Variants in DLG2 observed in about 807,000 individuals in gnomAD.
The protein encoded by DLG2 is discs large MAGUK scaffold protein 2.
DLG2 carries 45 observed loss-of-function variants against 132.5 expected under a neutral mutation model. The observed-to-expected ratio is 0.34, with a 90% CI of 0.27 to 0.44. The LOEUF (loss-of-function observed/expected upper bound fraction) is 0.44. Among genes scored for constraint, DLG2 ranks in the 20% least tolerant of loss-of-function variants. The probability of loss-of-function intolerance (pLI) is 1.00; values close to 1 mark genes in which losing one functional copy is unlikely to be tolerated. For missense variants in DLG2, 1,045 were observed against 1,196.9 expected, an observed-to-expected ratio of 0.87 and a Z score of 1.87; for synonymous variants, 424 against 419.6, an observed-to-expected ratio of 1.01 and a Z score of -0.13.
At chr11:84,485,259 T>C (rs1345936011) in intron 7 of DLG2, among the ~76,000 whole-genome samples, 1 of 152,200 alleles carries the variant, frequency 6.6e-6, no homozygotes, top group African/African-American at 2.4e-5. Flanking sequence ...TTTGAATATA[T>C]AATATTTCTA....
chr11:83,906,232 G>GTCTCTCTCTCTCTCTCTCTC lies in DLG2; in HGVS notation c.1496+24076_1496+24095dup, dbSNP rs144862801. 9.6e-4 allele frequency among the ~76,000 whole-genome samples: 69 copies of GTCTCTCTCTCTCTCTCTCTC among 71,674 alleles called. 3 individuals carry two copies. The highest frequency in any genetic ancestry group is 2.8e-3 in the South Asian group (4 of 1,416). The allele number at this position is 71,674 out of a possible 152,430, so 47.0% of individuals were successfully genotyped here. On this transcript the variant is annotated intron_variant, in intron 15 of 27. Coordinates refer to ENST00000376104, the MANE Select transcript of DLG2 (RefSeq NM_001142699.3). ...TAACTGGAAGATTGCTATAGTAGAT[G>GTCTCTCTCTCTCTCTCTCTC]TCTCTCTCTCTCTCTCTCTCTCTCT...
intron 8 of DLG2, among the ~76,000 whole-genome samples, chr11:84,181,758 C>T (rs34386657): frequency 0.031 from 4,765 of 152,056 alleles, 117 homozygotes; most frequent in Non-Finnish European, 0.05. Flanking sequence ...CAGATATCAA[C>T]GCAAGATAAA....
chr11:84,951,262 T>C (rs577748157), intron 6 of DLG2, among the ~76,000 whole-genome samples: 1 of 152,302 alleles, frequency 6.6e-6, no homozygotes, highest in African/African-American at 2.4e-5. Context: ...TTTACAAGCA[T>C]CCTATATGGC....
intron 10 of DLG2, among the ~76,000 whole-genome samples, chr11:84,075,383 T>G (rs1317533527): frequency 6.6e-6 from 1 of 152,176 alleles, no homozygotes; most frequent in Non-Finnish European, 1.5e-5. Context: ...TTATCATTAA[T>G]GCCTAGGACA....
At position 83,779,795 on chromosome 11, in the gene DLG2, A is replaced by C. The variant is rs146409803; in HGVS notation, c.1825+6895T>G. 4.1e-4 allele frequency among the ~76,000 whole-genome samples: 63 copies of C among 152,324 alleles called. 1 individual carries two copies. The highest frequency in any genetic ancestry group is 1.5e-3 in the African/African-American group (62 of 41,588). ...AGTGATTCTAGTTAAACTACACAGA[A>C]TCTATCAAGTTAACTAGGTCGTGCA... is the stretch of plus-strand genomic sequence containing the variant. On this transcript the variant is annotated intron_variant, in intron 18 of 27. Transcript: ENST00000376104.
At chr11:85,165,265 T>C (rs1004732522) in intron 4 of DLG2, among the ~76,000 whole-genome samples, 27 of 152,166 alleles carry the variant, frequency 1.8e-4, no homozygotes, top group African/African-American at 6.0e-4. Context: ...GTGAAATAGC[T>C]TGACTTCTAA....
intron 3 of DLG2, among the ~76,000 whole-genome samples, chr11:85,343,499 A>C (rs2082633161): frequency 6.6e-6 from 1 of 152,172 alleles, no homozygotes; most frequent in Admixed American, 6.5e-5. Context: ...TTTTTTAATT[A>C]AATAAAATAT....
At chr11:83,872,454 G>C (rs2063657606) in intron 16 of DLG2, among the ~76,000 whole-genome samples, 1 of 152,072 alleles carries the variant, frequency 6.6e-6, no homozygotes, top group Admixed American at 6.6e-5. Context: ...TAGATATAAG[G>C]CAAATTGCTT....
chr11:83,989,834 AT>A (rs2093603861), intron 11 of DLG2, among the ~76,000 whole-genome samples: 1 of 152,206 alleles, frequency 6.6e-6, no homozygotes, highest in Non-Finnish European at 1.5e-5. Flanking sequence ...TTGGATGAAG[AT>A]TTGTGTAAGG....
intron 7 of DLG2, among the ~76,000 whole-genome samples, chr11:84,401,708 T>G (rs911921046): frequency 6.6e-6 from 1 of 152,296 alleles, no homozygotes; most frequent in South Asian, 2.1e-4. Flanking sequence ...ACAGATACAC[T>G]TTTGAAGAGA....
chr11:84,606,272 A>G (rs1471785689), intron 6 of DLG2, among the ~76,000 whole-genome samples: 1 of 152,152 alleles, frequency 6.6e-6, no homozygotes, highest in Non-Finnish European at 1.5e-5. Flanking sequence ...GGAAGTGGAT[A>G]AACCGCAGCA....
chr11:85,020,792 C>T lies in DLG2; in HGVS notation c.357+90869G>A, dbSNP rs56251017. ...CTATGTGCTTCAAAGTCATCCTCTC[C>T]TTCCTCAGCCTCTTTTTCATCATCC... is the stretch of plus-strand genomic sequence containing the variant. On this transcript the variant is annotated intron_variant, in intron 6 of 27. Transcript: ENST00000376104. 4.2e-6 allele frequency: 3 copies of T among 720,114 alleles called. No individual in the cohort carries two copies. The East Asian group carries it at 8.0e-5, about 19-fold the overall frequency. 44.6% of individuals were successfully genotyped at this position (720,114 alleles called of 1,614,324 possible).
chr11:84,167,385 A>G (rs2095692721), intron 8 of DLG2, among the ~76,000 whole-genome samples: 1 of 152,174 alleles, frequency 6.6e-6, no homozygotes, highest in African/African-American at 2.4e-5. Flanking sequence ...TGTTGAATGC[A>G]TTAAATATTT....
intron 3 of DLG2, among the ~76,000 whole-genome samples, chr11:85,430,358 A>C (rs1451853452): frequency 6.6e-6 from 1 of 151,866 alleles, no homozygotes; most frequent in Non-Finnish European, 1.5e-5. Context: ...ATAATAAAAA[A>C]AAAGAAAAAG....
chr11:83,485,392 C>A (rs771632985), intron 21 of DLG2, among the ~76,000 whole-genome samples: 1 of 152,080 alleles, frequency 6.6e-6, no homozygotes, highest in African/African-American at 2.4e-5. Flanking sequence ...GCAGGTCTTA[C>A]TAATTTCATA....
intron 19 of DLG2, among the ~76,000 whole-genome samples, chr11:83,582,447 G>A (rs1196977625): frequency 6.6e-6 from 1 of 152,160 alleles, no homozygotes; most frequent in Non-Finnish European, 1.5e-5. Flanking sequence ...ACTGAATGCT[G>A]ATCATGTCCC....
chr11:85,290,892 C>A (rs963702403), intron 3 of DLG2, among the ~76,000 whole-genome samples: 15 of 152,022 alleles, frequency 9.9e-5, no homozygotes, highest in Admixed American at 1.3e-4. Flanking sequence ...GAAGGAAATT[C>A]ATAATAAATA....
At chr11:85,551,856 C>G (rs1198414603) in intron 3 of DLG2, among the ~76,000 whole-genome samples, 1 of 151,398 alleles carries the variant, frequency 6.6e-6, no homozygotes, top group Admixed American at 6.6e-5. Context: ...CATATCAAAA[C>G]TAAAAAGAAA....
chr11:85,243,801 T>G (rs1404575811), intron 4 of DLG2, among the ~76,000 whole-genome samples: 1 of 151,920 alleles, frequency 6.6e-6, no homozygotes, highest in Non-Finnish European at 1.5e-5. Flanking sequence ...TCACTAAATA[T>G]CTCTAAATAT....
Sources: allele counts gnomAD v4.1 joint callset (sites outside exome capture counted in the v4.1 genomes callset), GRCh38; gene constraint gnomAD v4.1.1; transcripts MANE v1.5; gene names NCBI Gene and HGNC (gene_info 2026-07-23, HGNC 2026-07-21).